The following DLGAP1 variants were observed in gnomAD, a reference collection of about 807,000 sequenced individuals.
DLGAP1 encodes disks large-associated protein 1.
Under a neutral mutation model 90.8 loss-of-function variants are expected in DLGAP1, and 11 were observed. That is an observed-to-expected ratio of 0.12 (90% CI 0.08 to 0.20). The LOEUF (loss-of-function observed/expected upper bound fraction) is 0.20, where lower values mean the gene tolerates loss of function less well. Ranked by LOEUF, DLGAP1 falls within the 10% of genes least tolerant of loss-of-function variation. DLGAP1 has a pLI of 1.00. For missense variants in DLGAP1, 1,050 were observed against 1,333.8 expected, an observed-to-expected ratio of 0.79 and a Z score of 3.31; for synonymous variants, 558 against 540.7, an observed-to-expected ratio of 1.03 and a Z score of -0.44.
intron 7 of DLGAP1, among the ~76,000 whole-genome samples, chr18:3,613,129 C>T (rs138052538): frequency 3.4e-4 from 51 of 152,140 alleles, no homozygotes; most frequent in East Asian, 2.9e-3. Context: ...TGAGCCACCA[C>T]GCCTGGCCTT....
At chr18:4,140,994 C>A (rs868004465) in intron 2 of DLGAP1, among the ~76,000 whole-genome samples, 2 of 151,876 alleles carry the variant, frequency 1.3e-5, no homozygotes, top group Non-Finnish European at 2.9e-5. Flanking sequence ...AGTTTGACTA[C>A]TAAAGGTCTT....
chr18:4,288,389 A>G (rs2079757518), intron 1 of DLGAP1, among the ~76,000 whole-genome samples: 1 of 152,222 alleles, frequency 6.6e-6, no homozygotes, highest in Non-Finnish European at 1.5e-5. Context: ...ACTGACGAGT[A>G]CCATGCAAAA....
chr18:4,328,517 A>T (rs1016146222), intron 1 of DLGAP1, among the ~76,000 whole-genome samples: 2 of 151,942 alleles, frequency 1.3e-5, no homozygotes, highest in African/African-American at 4.8e-5. Flanking sequence ...ACATTTGAAA[A>T]CAAGTCTTTG....
At chr18:3,912,233 A>G (rs548283229) in intron 3 of DLGAP1, among the ~76,000 whole-genome samples, 120 of 152,334 alleles carry the variant, frequency 7.9e-4, no homozygotes, top group African/African-American at 2.7e-3. Context: ...GCTTTACCTC[A>G]TATGTTTTGT....
chr18:4,339,669 A>C (rs2081147249), intron 1 of DLGAP1, among the ~76,000 whole-genome samples: 1 of 152,138 alleles, frequency 6.6e-6, no homozygotes, highest in South Asian at 2.1e-4. Context: ...ATTATTCCTT[A>C]CTTAAAATTT....
intron 1 of DLGAP1, among the ~76,000 whole-genome samples, chr18:4,278,116 C>A (rs1440427396): frequency 6.6e-6 from 1 of 151,618 alleles, no homozygotes; most frequent in Non-Finnish European, 1.5e-5. Flanking sequence ...ACTTTTGTTA[C>A]AAATCTATAG....
rs1450718804 is a variant in DLGAP1 at position 3,543,962 on chromosome 18, TG to T, written c.2058-9348del. 4.0e-5 allele frequency among the ~76,000 whole-genome samples: 6 copies of T among 149,506 alleles called. No individual in the cohort carries two copies. The East Asian group carries it at 1.2e-3, about 29-fold the overall frequency. On this transcript the variant is annotated intron_variant, in intron 9 of 12. Coordinates refer to ENST00000315677, the MANE Select transcript of DLGAP1 (RefSeq NM_004746.4). Reference sequence around the variant, plus strand: ...TGTTCAATGCATGACTATCCAAGACTGGGATATCTTTATTCCTCTTTAGAAA... The same window carrying T: ...TGTTCAATGCATGACTATCCAAGACTGGATATCTTTATTCCTCTTTAGAAA...
intron 1 of DLGAP1, among the ~76,000 whole-genome samples, chr18:4,374,504 C>A (rs2081977405): frequency 6.6e-6 from 1 of 151,870 alleles, no homozygotes; most frequent in Non-Finnish European, 1.5e-5. Flanking sequence ...TAAACAAATG[C>A]AGGATTATGG....
chr18:3,710,832 G>A (rs1311237408), intron 7 of DLGAP1, among the ~76,000 whole-genome samples: 2 of 152,236 alleles, frequency 1.3e-5, no homozygotes, highest in Non-Finnish European at 2.9e-5. Flanking sequence ...AGGCACGGGT[G>A]TAGGGGGTGG....
chr18:4,099,309 A>G (rs1263723785), intron 2 of DLGAP1, among the ~76,000 whole-genome samples: 6 of 105,520 alleles, frequency 5.7e-5, no homozygotes. Flanking sequence ...CTATCTATCT[A>G]TCTATCTATC....
At chr18:3,606,626 A>G (rs954179522) in intron 7 of DLGAP1, 2 of 152,194 alleles carry the variant, frequency 1.3e-5, no homozygotes, top group Non-Finnish European at 2.9e-5. Context: ...TATTGTAACT[A>G]TACCAAATTA....
intron 10 of DLGAP1, among the ~76,000 whole-genome samples, chr18:3,520,676 C>T (rs576689997): frequency 3.1e-4 from 47 of 152,304 alleles, no homozygotes; most frequent in African/African-American, 8.2e-4. Flanking sequence ...CCCTTGATCT[C>T]GAACTTCCAG....
chr18:3,870,181 C>A (rs1446748343), intron 4 of DLGAP1, among the ~76,000 whole-genome samples: 1 of 152,186 alleles, frequency 6.6e-6, no homozygotes, highest in Non-Finnish European at 1.5e-5. Context: ...AAATCGGAAT[C>A]TCTTGGGTGG....
At chr18:4,353,995 T>G (rs572060286) in intron 1 of DLGAP1, among the ~76,000 whole-genome samples, 1 of 152,048 alleles carries the variant, frequency 6.6e-6, no homozygotes, top group East Asian at 1.9e-4. Flanking sequence ...TGAATGAGAC[T>G]TTCAGACTGA....
intron 2 of DLGAP1, among the ~76,000 whole-genome samples, chr18:4,106,403 A>G (rs2075868364): frequency 6.6e-6 from 1 of 152,204 alleles, no homozygotes; most frequent in Non-Finnish European, 1.5e-5. Context: ...CCCTGCATGC[A>G]TCACCTTTCC....
intron 1 of DLGAP1, among the ~76,000 whole-genome samples, chr18:4,192,622 T>A (rs2077422327): frequency 6.6e-6 from 1 of 152,178 alleles, no homozygotes; most frequent in African/African-American, 2.4e-5. Context: ...TATAACAATA[T>A]TATGTGCCCC....
At chr18:4,446,402 A>G (rs776910017) in intron 1 of DLGAP1, among the ~76,000 whole-genome samples, 2 of 152,036 alleles carry the variant, frequency 1.3e-5, no homozygotes, top group East Asian at 1.9e-4. Context: ...AGAAGCTGCT[A>G]TGTATTCCAG....
intron 10 of DLGAP1, among the ~76,000 whole-genome samples, chr18:3,524,941 C>T (rs1410917904): frequency 2.6e-5 from 4 of 152,186 alleles, no homozygotes; most frequent in African/African-American, 7.2e-5. Context: ...TCATTCCTGA[C>T]TGGCAGTTGC....
At chr18:4,381,068 T>C (rs1400769573) in intron 1 of DLGAP1, among the ~76,000 whole-genome samples, 3 of 152,066 alleles carry the variant, frequency 2.0e-5, no homozygotes, top group East Asian at 3.9e-4. Context: ...TCATACATAG[T>C]ATCACCCAGG....
Sources: gnomAD v4.1 joint callset for allele counts (sites outside exome capture counted in the v4.1 genomes callset) on GRCh38, gnomAD v4.1.1 for gene constraint, MANE v1.5 for transcripts, NCBI Gene and HGNC (gene_info 2026-07-23, HGNC 2026-07-21) for gene names.